RBFOX1: variants seen among roughly 807,000 people sequenced by gnomAD.
RBFOX1 encodes the protein RNA binding protein fox-1 homolog 1.
A neutral mutation model predicts 57.7 loss-of-function variants in RBFOX1; 8 were observed. That is an observed-to-expected ratio of 0.14 (90% confidence interval 0.08 to 0.25). The LOEUF is 0.25. Ranked by LOEUF, RBFOX1 falls within the 10% of genes least tolerant of loss-of-function variation. RBFOX1 has a pLI of 1.00. For synonymous variants in RBFOX1, 326 were observed against 222.4 expected (o/e 1.47, Z -4.15); for missense variants, 611 against 548.5 (o/e 1.11, Z -1.14).
At chr16:7,390,794 A>G (rs183055395) in intron 4 of RBFOX1, among the ~76,000 whole-genome samples, 3 of 152,274 alleles carry the variant, frequency 2.0e-5, no homozygotes, top group East Asian at 1.9e-4. Flanking sequence ...TTCCATTTAT[A>G]AGAATATGAA....
intron 3 of RBFOX1, among the ~76,000 whole-genome samples, chr16:6,745,692 C>G (rs1045358536): frequency 7.9e-5 from 12 of 152,136 alleles, no homozygotes; most frequent in African/African-American, 2.7e-4. Context: ...TAATATCATG[C>G]TTAATGAGGA....
chr16:5,636,865 A>C (rs11864481), intron 3 of RBFOX1, among the ~76,000 whole-genome samples: 2,477 of 152,264 alleles, frequency 0.016, 74 homozygotes, highest in African/African-American at 0.057. Context: ...CAAAACCCAC[A>C]AATTAATCAT....
chr16:7,648,641 A>T (rs1385975230), intron 11 of RBFOX1, among the ~76,000 whole-genome samples: 1 of 152,142 alleles, frequency 6.6e-6, no homozygotes, highest in East Asian at 1.9e-4. Context: ...TAATTATTTT[A>T]TTCAGGGACT....
intron 2 of RBFOX1, among the ~76,000 whole-genome samples, chr16:6,547,484 G>A (rs2096912360): frequency 6.6e-6 from 1 of 152,114 alleles, no homozygotes; most frequent in Non-Finnish European, 1.5e-5. Flanking sequence ...TTTAATTGCT[G>A]ATAACAGAAC....
intron 2 of RBFOX1, among the ~76,000 whole-genome samples, chr16:6,491,666 C>A (rs1240822172): frequency 1.3e-5 from 2 of 152,094 alleles, no homozygotes; most frequent in Non-Finnish European, 2.9e-5. Flanking sequence ...TGAATATTTC[C>A]AGCAGCCCTA....
In RBFOX1 at chr16:6,798,574, A is replaced by G. The variant is rs939038707; in HGVS notation, c.-16+143924A>G. On this transcript the variant is annotated intron_variant, in intron 3 of 15. Transcript: ENST00000550418. ...AACTGCAGCCATGCTAACTAAGATA[A>G]CAGCTGTCTGTATTCAAAGACACAT... 1.8e-4 allele frequency among the ~76,000 whole-genome samples: 28 copies of G among 152,174 alleles called. 1 individual carries two copies. Among genetic ancestry groups the G allele is most frequent in the African/African-American group, 6.8e-4 (28 of 41,442 alleles).
intron 3 of RBFOX1, among the ~76,000 whole-genome samples, chr16:5,657,217 C>G (rs577812658): frequency 6.6e-6 from 1 of 152,210 alleles, no homozygotes; most frequent in Non-Finnish European, 1.5e-5. Context: ...TCTGGTTTCA[C>G]TGACTTCAAA....
chr16:5,396,823 G>A (rs563257816), intron 1 of RBFOX1, among the ~76,000 whole-genome samples: 14 of 152,218 alleles, frequency 9.2e-5, no homozygotes, highest in Non-Finnish European at 1.9e-4. Context: ...AGCAGAGAGA[G>A]TAGATTGATT....
chr16:6,755,416 C>T (rs1359447834), intron 3 of RBFOX1, among the ~76,000 whole-genome samples: 1 of 152,236 alleles, frequency 6.6e-6, no homozygotes, highest in Non-Finnish European at 1.5e-5. Flanking sequence ...GAGATGGTAT[C>T]TCATTGTGGT....
intron 3 of RBFOX1, among the ~76,000 whole-genome samples, chr16:6,827,049 G>T (rs1464879767): frequency 6.6e-6 from 1 of 152,142 alleles, no homozygotes; most frequent in Non-Finnish European, 1.5e-5. Flanking sequence ...TTGGGGGCAG[G>T]CTTTGGTGGA....
At chr16:6,240,679 T>C (rs1376831198) in intron 1 of RBFOX1, among the ~76,000 whole-genome samples, 1 of 141,344 alleles carries the variant, frequency 7.1e-6, no homozygotes, top group Non-Finnish European at 1.5e-5. Flanking sequence ...TGATTTTCTT[T>C]TTCCTAAAAA....
intron 3 of RBFOX1, among the ~76,000 whole-genome samples, chr16:6,863,177 G>C (rs1181086775): frequency 6.6e-6 from 1 of 151,858 alleles, no homozygotes; most frequent in Non-Finnish European, 1.5e-5. Flanking sequence ...AAAACAGGAG[G>C]GCTTGCCTGA....
intron 2 of RBFOX1, among the ~76,000 whole-genome samples, chr16:5,591,564 T>C (rs139993321): frequency 6.6e-6 from 1 of 152,264 alleles, no homozygotes; most frequent in African/African-American, 2.4e-5. Flanking sequence ...AATGAGCCTT[T>C]TAAAAAATAT....
intron 4 of RBFOX1, among the ~76,000 whole-genome samples, chr16:7,251,876 G>A (rs1003977692): frequency 1.3e-5 from 2 of 152,140 alleles, no homozygotes; most frequent in Non-Finnish European, 2.9e-5. Flanking sequence ...GGAGCATATG[G>A]TAGTTCTATT....
chr16:6,653,204 A>G (rs138562004), intron 2 of RBFOX1, among the ~76,000 whole-genome samples: 10 of 152,034 alleles, frequency 6.6e-5, no homozygotes, highest in African/African-American at 1.7e-4. Flanking sequence ...CAACATCAAC[A>G]TCGTATTCCC....
chr16:6,281,414 G>A (rs904967675), intron 1 of RBFOX1, among the ~76,000 whole-genome samples: 1 of 152,090 alleles, frequency 6.6e-6, no homozygotes, highest in African/African-American at 2.4e-5. Context: ...CGGAGCCCAC[G>A]CCTTGTAATA....
intron 2 of RBFOX1, among the ~76,000 whole-genome samples, chr16:6,500,932 G>GTT (rs2095898792): frequency 9.8e-6 from 1 of 102,066 alleles, no homozygotes; most frequent in Non-Finnish European, 2.0e-5. Context: ...CCCTTGTTAA[G>GTT]TTTTGGGTTG....
intron 3 of RBFOX1, among the ~76,000 whole-genome samples, chr16:6,927,192 G>T (rs1302570523): frequency 6.6e-6 from 1 of 151,764 alleles, no homozygotes; most frequent in Non-Finnish European, 1.5e-5. Context: ...GGGGCTCAGG[G>T]ATTTCATTTT....
At chr16:6,353,779 A>T (rs949440873) in intron 2 of RBFOX1, among the ~76,000 whole-genome samples, 3 of 152,158 alleles carry the variant, frequency 2.0e-5, no homozygotes, top group Admixed American at 6.5e-5. Flanking sequence ...ATCCACGTTG[A>T]GGAAGATCTG....
Sources: allele counts gnomAD v4.1 joint callset (sites outside exome capture counted in the v4.1 genomes callset), GRCh38; gene constraint gnomAD v4.1.1; transcripts MANE v1.5; gene names NCBI Gene and HGNC (gene_info 2026-07-23, HGNC 2026-07-21).